The following GALNT14 variants were observed in gnomAD, a reference collection of about 807,000 sequenced individuals.
GALNT14 encodes polypeptide N-acetylgalactosaminyltransferase 14.
A neutral mutation model predicts 77.5 loss-of-function variants in GALNT14; 60 were observed. That is an observed-to-expected ratio of 0.77 (90% confidence interval 0.63 to 0.96). GALNT14 has a LOEUF of 0.96. Ranked by LOEUF, GALNT14 falls within the 40% of genes least tolerant of loss-of-function variation. The pLI, the probability that GALNT14 is intolerant of heterozygous loss-of-function variation, is 0.00. For missense variants in GALNT14, 710 were observed against 731.0 expected, an observed-to-expected ratio of 0.97 and a Z score of 0.33; for synonymous variants, 280 against 281.7, an observed-to-expected ratio of 0.99 and a Z score of 0.06.
rs776543625 is a variant in GALNT14 at position 31,125,209 on chromosome 2, C to T, written c.129+12749G>A. ...GAGTGGGTGATACAGGCACCTGAGG[C>T]GCCCAAGGGCTCATCCCAGCCACCT... is the stretch of plus-strand genomic sequence containing the variant. On this transcript the variant is annotated intron_variant, in intron 1 of 14. Transcript: ENST00000349752. 1.0e-5 allele frequency: 16 copies of T among 1,550,412 alleles called. 1 individual carries two copies. Among genetic ancestry groups the T allele is most frequent in the South Asian group, 8.3e-5 (7 of 84,062 alleles).
chr2:30,934,084 C>A (rs949412972), intron 9 of GALNT14, among the ~76,000 whole-genome samples: 88 of 152,204 alleles, frequency 5.8e-4, no homozygotes, highest in African/African-American at 2.0e-3. Flanking sequence ...GTGCACTTCA[C>A]ATTTGAGATT....
the GALNT14 span, among the ~76,000 whole-genome samples, chr2:30,895,949 C>T: frequency 1.3e-5 from 2 of 152,162 alleles, no homozygotes; most frequent in Non-Finnish European, 2.9e-5. Context: ...GATGCCACGT[C>T]AATTGGGAGG....
chr2:31,027,372 G>A (rs549117028), intron 1 of GALNT14, among the ~76,000 whole-genome samples: 4 of 149,796 alleles, frequency 2.7e-5, no homozygotes, highest in African/African-American at 7.4e-5. Context: ...AGCTGAGATC[G>A]CGCCATTGCA....
At chr2:31,030,447 T>G (rs1461776003) in intron 1 of GALNT14, among the ~76,000 whole-genome samples, 1 of 152,068 alleles carries the variant, frequency 6.6e-6, no homozygotes, top group African/African-American at 2.4e-5. Flanking sequence ...TTGAAAAAAC[T>G]AAGGAAGCAA....
chr2:30,928,301 T>G (rs1375250726), intron 11 of GALNT14, among the ~76,000 whole-genome samples: 5 of 152,190 alleles, frequency 3.3e-5, no homozygotes, highest in Admixed American at 2.0e-4. Flanking sequence ...GTGGGTGATG[T>G]TAGTATGACA....
chr2:30,923,346 G>A (rs759634536), intron 13 of GALNT14, among the ~76,000 whole-genome samples: 1 of 152,166 alleles, frequency 6.6e-6, no homozygotes, highest in Non-Finnish European at 1.5e-5. Flanking sequence ...TTACAGGCGT[G>A]AGCCACCGTA....
chr2:31,122,267 G>A (rs1678450730), intron 1 of GALNT14, among the ~76,000 whole-genome samples: 2 of 152,226 alleles, frequency 1.3e-5, no homozygotes, highest in Non-Finnish European at 2.9e-5. Flanking sequence ...TGATGAAACA[G>A]CCGTGATGGT....
downstream of GALNT14, among the ~76,000 whole-genome samples, chr2:30,909,477 C>A (rs1268779660): frequency 3.4e-3 from 518 of 151,444 alleles, 1 homozygote; most frequent in African/African-American, 1.0e-2. Flanking sequence ...CATCACTGGC[C>A]ATCAGAGAAA....
chr2:31,068,388 G>A (rs886400178), intron 1 of GALNT14, among the ~76,000 whole-genome samples: 3 of 151,780 alleles, frequency 2.0e-5, no homozygotes, highest in Non-Finnish European at 4.4e-5. Context: ...TCAGGAGGCT[G>A]AGGCACCAGA....
At chr2:31,056,878 C>T (rs1257301273) in intron 1 of GALNT14, among the ~76,000 whole-genome samples, 1 of 152,132 alleles carries the variant, frequency 6.6e-6, no homozygotes, top group Non-Finnish European at 1.5e-5. Context: ...ATGGAATCAA[C>T]TTAGGTGCCC....
intron 9 of GALNT14, among the ~76,000 whole-genome samples, chr2:30,932,483 T>C (rs1260943802): frequency 2.0e-5 from 3 of 152,240 alleles, no homozygotes; most frequent in East Asian, 1.9e-4. Flanking sequence ...CTGCTGCAAC[T>C]TCTTAGCCTG....
At chr2:30,905,737 G>A (rs1161947096), downstream of GALNT14, among the ~76,000 whole-genome samples, 9 of 148,080 alleles carry the variant, frequency 6.1e-5, no homozygotes, top group Non-Finnish European at 7.5e-5. Context: ...CTCGAGAAGA[G>A]CAACTCCAAG....
intron 3 of GALNT14, among the ~76,000 whole-genome samples, chr2:30,963,922 G>A (rs1465942724): frequency 1.3e-5 from 2 of 152,186 alleles, no homozygotes; most frequent in Non-Finnish European, 2.9e-5. Context: ...TCCTTGGTTA[G>A]GATACTGAGC....
the GALNT14 span, among the ~76,000 whole-genome samples, chr2:30,900,121 T>C: frequency 5.3e-5 from 8 of 152,160 alleles, no homozygotes; most frequent in Non-Finnish European, 7.3e-5. Context: ...GGTGGACCTC[T>C]CTTTGAAGGC....
chr2:30,973,402 A>C (rs912446459), intron 2 of GALNT14, among the ~76,000 whole-genome samples: 18 of 152,204 alleles, frequency 1.2e-4, no homozygotes, highest in African/African-American at 4.1e-4. Context: ...GCTCTTGGCC[A>C]ATGACCTTTC....
chr2:31,134,426 T>C (rs1679132193), intron 1 of GALNT14, among the ~76,000 whole-genome samples: 1 of 152,340 alleles, frequency 6.6e-6, no homozygotes, highest in East Asian at 1.9e-4. Flanking sequence ...TAGGAAAACC[T>C]ACAGCACGGA....
intron 3 of GALNT14, among the ~76,000 whole-genome samples, chr2:30,965,473 G>A (rs942970533): frequency 6.6e-6 from 1 of 151,974 alleles, no homozygotes; most frequent in Non-Finnish European, 1.5e-5. Context: ...GGGAAGGGGG[G>A]TGAAACAGCC....
chr2:30,895,150 T>A, the GALNT14 span, among the ~76,000 whole-genome samples: 2 of 152,210 alleles, frequency 1.3e-5, no homozygotes, highest in Non-Finnish European at 2.9e-5. Flanking sequence ...AAGGAGCAGC[T>A]GCATCTTGAA....
At chr2:31,029,812 T>C (rs545743771) in intron 1 of GALNT14, among the ~76,000 whole-genome samples, 1 of 152,382 alleles carries the variant, frequency 6.6e-6, no homozygotes, top group East Asian at 1.9e-4. Flanking sequence ...TCTATCTTGA[T>C]TGACTACTAT....
Sources: gnomAD v4.1 joint callset for allele counts (sites outside exome capture counted in the v4.1 genomes callset) on GRCh38, gnomAD v4.1.1 for gene constraint, MANE v1.5 for transcripts, NCBI Gene and HGNC (gene_info 2026-07-23, HGNC 2026-07-21) for gene names.